MBNL1: variants seen among roughly 807,000 people sequenced by gnomAD.
The protein encoded by MBNL1 is muscleblind like splicing regulator 1, also known as muscleblind-like protein 1.
Under a neutral mutation model 42.2 loss-of-function variants are expected in MBNL1, and 8 were observed. The ratio of observed to expected loss-of-function variants is 0.19; its 90% CI spans 0.11 to 0.34. The LOEUF is 0.34. Ranked by LOEUF, MBNL1 falls within the 10% of genes least tolerant of loss-of-function variation. MBNL1 has a pLI of 1.00. For synonymous variants in MBNL1, 169 were observed against 173.9 expected, an observed-to-expected ratio of 0.97 and a Z score of 0.22; for missense variants, 309 against 495.3, an observed-to-expected ratio of 0.62 and a Z score of 3.57.
At chr3:152,322,833 G>T (rs1236461313) in intron 2 of MBNL1, among the ~76,000 whole-genome samples, 3 of 152,054 alleles carry the variant, frequency 2.0e-5, no homozygotes, top group Non-Finnish European at 4.4e-5. Context: ...AAAGCAACAT[G>T]TATAGACTCT....
chr3:152,399,237 G>A (rs1228020089), intron 2 of MBNL1, among the ~76,000 whole-genome samples: 4 of 152,054 alleles, frequency 2.6e-5, no homozygotes, highest in African/African-American at 7.2e-5. Context: ...TATATTCAAG[G>A]TGAGACCACT....
At chr3:152,421,730 A>G (rs1704738303) in intron 3 of MBNL1, among the ~76,000 whole-genome samples, 1 of 152,192 alleles carries the variant, frequency 6.6e-6, no homozygotes, top group Admixed American at 6.5e-5. Context: ...CTAACAGCAG[A>G]TTTCTCTGCA....
intron 6 of MBNL1, 87 bp downstream of exon 6, chr3:152,447,860 T>C: frequency 8.0e-7 from 1 of 1,246,200 alleles, no homozygotes; most frequent in Non-Finnish European, 1.1e-6. Flanking sequence ...CCCAAGTTTG[T>C]TTGTAATTAT....
chr3:152,314,083 C>G (rs2068817953), intron 2 of MBNL1, among the ~76,000 whole-genome samples: 1 of 152,170 alleles, frequency 6.6e-6, no homozygotes, highest in South Asian at 2.1e-4. Context: ...AAAGACTCAC[C>G]TAAGACTTTT....
chr3:152,390,289 A>G (rs2097653476), intron 2 of MBNL1, among the ~76,000 whole-genome samples: 1 of 151,946 alleles, frequency 6.6e-6, no homozygotes, highest in African/African-American at 2.4e-5. Flanking sequence ...AACCTTTAAA[A>G]ACTAAGACAC....
chr3:152,257,839 C>T lies in MBNL1; in HGVS notation n.333+13399C>T, dbSNP rs533741932. Among the ~76,000 whole-genome samples, 7 of 152,280 alleles carry T rather than the reference C, an allele frequency of 4.6e-5. No homozygotes were observed. In the South Asian group the frequency reaches 1.5e-3, roughly 32 times the overall value. ...ATATAGTGCTAAAGGAAGTGGTTTT[C>T]ATGCAACTGTGCATCTTATACTCTT... On this transcript the variant is annotated intron_variant and non_coding_transcript_variant, in intron 2 of 2. Transcript: ENST00000477171.
At chr3:152,252,181 C>CCA (rs1328005613) in intron 2 of MBNL1, among the ~76,000 whole-genome samples, 1 of 27,968 alleles carries the variant, frequency 3.6e-5, no homozygotes, top group East Asian at 1.2e-3. Flanking sequence ...CCTTCCTTCC[C>CCA]TCCTTCCTTC....
At position 152,455,588 on chromosome 3, in the gene MBNL1, G is replaced by A. The variant is rs1224397201; in HGVS notation, c.997+11G>A. The stretch of plus-strand genomic sequence containing the variant: ...CCGCTACAAGTGTTGGTAGGTGCCA[G>A]CTTTGTTTCTTGATTATCTTAAACC... On this transcript the variant is annotated intron_variant, in intron 7 of 9. Coordinates refer to ENST00000324210, the MANE Select transcript of MBNL1 (RefSeq NM_021038.5). The A allele has an allele frequency of 1.2e-6, 2 of 1,613,056 alleles. No individual in the cohort carries two copies. Among genetic ancestry groups the A allele is most frequent in the Non-Finnish European group, 1.7e-6 (2 of 1,179,190 alleles).
chr3:152,249,497 C>T (rs1157944038), intron 2 of MBNL1, among the ~76,000 whole-genome samples: 1 of 104,506 alleles, frequency 9.6e-6, no homozygotes, highest in African/African-American at 3.1e-5. Flanking sequence ...TGTTTGAGTT[C>T]ATTGTAGATT....
intron 2 of MBNL1, among the ~76,000 whole-genome samples, chr3:152,349,981 T>C (rs985159684): frequency 1.3e-5 from 2 of 152,054 alleles, no homozygotes; most frequent in Admixed American, 6.6e-5. Context: ...GGGTTGAATT[T>C]AAGGAAAAAC....
At chr3:152,277,200 T>C (rs2045741609) in intron 1 of MBNL1, among the ~76,000 whole-genome samples, 1 of 152,188 alleles carries the variant, frequency 6.6e-6, no homozygotes, top group Non-Finnish European at 1.5e-5. Context: ...CTAAGCTCTT[T>C]CAAAGCACTG....
chr3:152,369,635 G>C (rs892927676), intron 2 of MBNL1, among the ~76,000 whole-genome samples: 2 of 152,050 alleles, frequency 1.3e-5, no homozygotes, highest in Non-Finnish European at 2.9e-5. Context: ...GAATCCATCT[G>C]GTCCTGGGCT....
At chr3:152,378,364 G>A (rs1006853934) in intron 2 of MBNL1, among the ~76,000 whole-genome samples, 1 of 151,950 alleles carries the variant, frequency 6.6e-6, no homozygotes, top group African/African-American at 2.4e-5. Context: ...GTATGTTCTA[G>A]CTACTCAAGA....
At chr3:152,402,693 C>G (rs1294356915) in intron 2 of MBNL1, among the ~76,000 whole-genome samples, 4 of 151,936 alleles carry the variant, frequency 2.6e-5, no homozygotes, top group Non-Finnish European at 4.4e-5. Context: ...TGGTAGAAGA[C>G]TAGAGGAGAG....
chr3:152,296,871 G>T (rs1033257424), intron 1 of MBNL1, among the ~76,000 whole-genome samples: 1 of 152,056 alleles, frequency 6.6e-6, no homozygotes, highest in Non-Finnish European at 1.5e-5. Context: ...TTATGGCTAA[G>T]CCATGGGGTT....
chr3:152,454,896 A>C (rs941460169), intron 6 of MBNL1, among the ~76,000 whole-genome samples: 8 of 152,224 alleles, frequency 5.3e-5, no homozygotes, highest in Non-Finnish European at 1.0e-4. Context: ...CAAACTAAGG[A>C]AAGGCACAAA....
chr3:152,465,757 A>G lies in MBNL1; in HGVS notation c.*3391A>G, dbSNP rs1248191638. 2 of 152,384 alleles carry G rather than the reference A, an allele frequency of 1.3e-5. No homozygotes were observed. Among genetic ancestry groups the G allele is most frequent in the African/African-American group, 4.8e-5 (2 of 41,456 alleles). 9.4% of individuals were successfully genotyped at this position (152,384 alleles called of 1,614,324 possible). A position where few individuals can be genotyped will look rare whatever the true frequency, so the allele number is the denominator to read the frequency against. ...TGGAAAAATAAAGTGAAATTGCCCTAATAAAACTTCTCTTTCTTAAGTATA... is the reference window on the plus strand; with the variant it reads ...TGGAAAAATAAAGTGAAATTGCCCTGATAAAACTTCTCTTTCTTAAGTATA... On this transcript the variant is annotated 3_prime_UTR_variant, in exon 10 of 10. Coordinates refer to ENST00000324210, the MANE Select transcript of MBNL1 (RefSeq NM_021038.5).
chr3:152,336,867 C>T (rs1341527556), intron 2 of MBNL1, among the ~76,000 whole-genome samples: 2 of 152,114 alleles, frequency 1.3e-5, no homozygotes, highest in African/African-American at 4.8e-5. Flanking sequence ...AACTAAATAC[C>T]TTGGAATAGA....
chr3:152,351,618 CTTA>C (rs1163200188), intron 2 of MBNL1, among the ~76,000 whole-genome samples: 7 of 152,024 alleles, frequency 4.6e-5, no homozygotes, highest in Non-Finnish European at 1.0e-4. Context: ...TGTGTAAACA[CTTA>C]TAGGAGGGGT....
Sources: gnomAD v4.1 joint callset for allele counts (sites outside exome capture counted in the v4.1 genomes callset) on GRCh38, gnomAD v4.1.1 for gene constraint, MANE v1.5 for transcripts, NCBI Gene and HGNC (gene_info 2026-07-23, HGNC 2026-07-21) for gene names.